The following NETO1 variants were observed in gnomAD, a reference collection of about 807,000 sequenced individuals.
The protein encoded by NETO1 is neuropilin and tolloid like 1, also known as neuropilin and tolloid-like protein 1.
A neutral mutation model predicts 61.3 loss-of-function variants in NETO1; 26 were observed. That is an observed-to-expected ratio of 0.42 (90% CI 0.31 to 0.59). The LOEUF (loss-of-function observed/expected upper bound fraction) is 0.59, where lower values mean the gene tolerates loss of function less well. Ranked by LOEUF, NETO1 falls within the 20% of genes least tolerant of loss-of-function variation. The pLI is 0.12. For synonymous variants in NETO1, 225 were observed against 225.8 expected, an observed-to-expected ratio of 1.00 and a Z score of 0.03; for missense variants, 531 against 662.8, an observed-to-expected ratio of 0.80 and a Z score of 2.18.
At chr18:72,760,170 A>G (rs1300666835) in intron 7 of NETO1, among the ~76,000 whole-genome samples, 1 of 152,198 alleles carries the variant, frequency 6.6e-6, no homozygotes, top group Non-Finnish European at 1.5e-5. Context: ...ATGGAAATTG[A>G]TTTCTATTAA....
chr18:72,832,989 G>A (rs528806255), intron 4 of NETO1, among the ~76,000 whole-genome samples: 7 of 152,072 alleles, frequency 4.6e-5, no homozygotes, highest in Non-Finnish European at 8.8e-5. Context: ...TGTCTCTAAT[G>A]CTCTTCATAT....
chr18:72,866,111 T>A (rs905737041), intron 1 of NETO1, among the ~76,000 whole-genome samples: 2 of 152,194 alleles, frequency 1.3e-5, no homozygotes, highest in African/African-American at 4.8e-5. Context: ...AAATAGTAAG[T>A]AAGCTAGTCT....
intron 7 of NETO1, among the ~76,000 whole-genome samples, chr18:72,756,821 G>A (rs965645801): frequency 3.3e-5 from 5 of 151,998 alleles, no homozygotes; most frequent in African/African-American, 1.2e-4. Flanking sequence ...GGACTGAGAG[G>A]TAAAATATGA....
At chr18:72,807,600 T>A (rs2072715911) in intron 4 of NETO1, among the ~76,000 whole-genome samples, 3 of 152,136 alleles carry the variant, frequency 2.0e-5, no homozygotes. Context: ...ATACTACTGT[T>A]CTACAGAGAA....
chr18:72,844,012 G>A (rs1195402154), intron 4 of NETO1, among the ~76,000 whole-genome samples: 1 of 152,076 alleles, frequency 6.6e-6, no homozygotes, highest in Non-Finnish European at 1.5e-5. Flanking sequence ...CACCTTTTCT[G>A]GTCACTATTC....
intron 7 of NETO1, among the ~76,000 whole-genome samples, chr18:72,766,398 T>C (rs898782509): frequency 2.0e-5 from 3 of 152,048 alleles, no homozygotes; most frequent in African/African-American, 7.2e-5. Context: ...TGTCAGCACA[T>C]TGAAACTTAA....
In NETO1 at chr18:72,758,415, G is replaced by A. The variant is rs577106224; in HGVS notation, c.869-2268C>T. 2.5e-4 allele frequency among the ~76,000 whole-genome samples: 38 copies of A among 150,210 alleles called. 1 individual carries two copies. The highest frequency in any genetic ancestry group is 8.5e-4 in the South Asian group (4 of 4,696). On this transcript the variant is annotated intron_variant, in intron 7 of 10. Coordinates refer to ENST00000327305, the MANE Select transcript of NETO1 (RefSeq NM_138966.5). Reference sequence around the variant, plus strand: ...TGTGTGTGTGTGTGTGTGTGTGGAGGAGGGGGGTGGGGGTGTTTGTAATAT... The same window carrying A: ...TGTGTGTGTGTGTGTGTGTGTGGAGAAGGGGGGTGGGGGTGTTTGTAATAT...
At chr18:72,858,030 C>A (rs934965481) in intron 4 of NETO1, among the ~76,000 whole-genome samples, 1 of 152,034 alleles carries the variant, frequency 6.6e-6, no homozygotes. Flanking sequence ...TTAAATAAAA[C>A]AATACATACA....
intron 4 of NETO1, among the ~76,000 whole-genome samples, chr18:72,839,273 C>T (rs2073849167): frequency 6.6e-6 from 1 of 152,154 alleles, no homozygotes; most frequent in African/African-American, 2.4e-5. Flanking sequence ...TGGATATTAG[C>T]TCTCCAGTTA....
rs1255613429 is a variant in NETO1, at chr18:72,812,895, A to AT, written c.470-18492dup. 3.3e-5 allele frequency among the ~76,000 whole-genome samples: 5 copies of AT among 152,346 alleles called. 1 individual carries two copies. The East Asian group carries it at 9.6e-4, about 29-fold the overall frequency. ...CACCATAACATATTCCCTATGACAC[A>AT]TAAATTGTGTATAACTACCAATTCA... On this transcript the variant is annotated intron_variant, in intron 4 of 10. Transcript: ENST00000327305.
intron 7 of NETO1, among the ~76,000 whole-genome samples, chr18:72,781,253 T>C (rs538436481): frequency 6.6e-6 from 1 of 152,296 alleles, no homozygotes; most frequent in African/African-American, 2.4e-5. Context: ...TTAAATTAAA[T>C]ACGAGTTCTT....
chr18:72,802,216 A>T (rs989887997), intron 4 of NETO1, among the ~76,000 whole-genome samples: 1 of 152,172 alleles, frequency 6.6e-6, no homozygotes, highest in African/African-American at 2.4e-5. Flanking sequence ...CTAAAAGCCA[A>T]ATGTCACTTT....
intron 7 of NETO1, among the ~76,000 whole-genome samples, chr18:72,779,880 T>C (rs908711763): frequency 2.6e-5 from 4 of 152,156 alleles, no homozygotes; most frequent in Non-Finnish European, 4.4e-5. Context: ...GAGATCAAGG[T>C]GCTGGCAGAT....
chr18:72,865,546 A>G, intron 1 of NETO1: 1 of 1,600,694 alleles, frequency 6.2e-7, no homozygotes, highest in Admixed American at 1.7e-5. Context: ...CAGTGGGACT[A>G]CAGGAGTCAC....
chr18:72,825,512 C>T (rs1220502420), intron 4 of NETO1, among the ~76,000 whole-genome samples: 1 of 150,712 alleles, frequency 6.6e-6, no homozygotes, highest in Non-Finnish European at 1.5e-5. Flanking sequence ...ATTATTATTT[C>T]TTAGTTTCTT....
intron 4 of NETO1, among the ~76,000 whole-genome samples, chr18:72,831,366 T>G (rs1408788032): frequency 1.3e-5 from 2 of 152,212 alleles, no homozygotes; most frequent in Non-Finnish European, 2.9e-5. Context: ...TAAAAGACAC[T>G]GGGTTAACTC....
chr18:72,831,695 C>T (rs1353952521), intron 4 of NETO1, among the ~76,000 whole-genome samples: 1 of 152,202 alleles, frequency 6.6e-6, no homozygotes, highest in East Asian at 1.9e-4. Context: ...CAAGACTAAA[C>T]TCAATTAGAT....
At chr18:72,811,307 T>C (rs1042454330) in intron 4 of NETO1, among the ~76,000 whole-genome samples, 6 of 152,200 alleles carry the variant, frequency 3.9e-5, no homozygotes, top group African/African-American at 1.4e-4. Context: ...AATGATTCTC[T>C]TTATTGTCTT....
chr18:72,845,858 G>A (rs576824255), intron 4 of NETO1, among the ~76,000 whole-genome samples: 21 of 152,236 alleles, frequency 1.4e-4, no homozygotes, highest in South Asian at 4.1e-4. Flanking sequence ...CCCTTATGGC[G>A]TATTACTTTG....
Sources: gnomAD v4.1 joint callset for allele counts (sites outside exome capture counted in the v4.1 genomes callset) on GRCh38, gnomAD v4.1.1 for gene constraint, MANE v1.5 for transcripts, NCBI Gene and HGNC (gene_info 2026-07-23, HGNC 2026-07-21) for gene names.